The following TTC29 variants were observed in gnomAD, a reference collection of about 807,000 sequenced individuals.
TTC29 encodes the protein tetratricopeptide repeat protein 29.
A neutral mutation model predicts 58.1 loss-of-function variants in TTC29; 49 were observed. That is an observed-to-expected ratio of 0.84 (90% CI 0.67 to 1.07). The LOEUF (loss-of-function observed/expected upper bound fraction) is 1.07. Ranked by LOEUF, TTC29 falls within the 50% of genes least tolerant of loss-of-function variation. TTC29 has a pLI of 0.00. For synonymous variants in TTC29, 209 were observed against 196.8 expected (o/e 1.06, Z -0.52); for missense variants, 582 against 555.6 (o/e 1.05, Z -0.48).
intron 10 of TTC29, among the ~76,000 whole-genome samples, chr4:146,818,270 A>G (rs1285025362): frequency 1.3e-5 from 2 of 152,206 alleles, no homozygotes; most frequent in African/African-American, 4.8e-5. Context: ...AAAAGTGGGC[A>G]AAGGATATGA....
At position 146,707,030 on chromosome 4, in the gene TTC29, A is replaced by C; in HGVS notation, c.*128T>G. 1 of 585,112 alleles carries C rather than the reference A, an allele frequency of 1.7e-6. No homozygotes were observed. The highest frequency in any genetic ancestry group is 2.6e-6 in the Non-Finnish European group (1 of 377,388). The allele number at this position is 585,112 out of a possible 1,614,324, so 36.2% of individuals were successfully genotyped here. A position where few individuals can be genotyped will look rare whatever the true frequency, so the allele number is the denominator to read the frequency against. ...AGTAACACACTGAAATGCAAAATCCAATGAAAAGAGTCATAGTCCGTTTTA... is the reference window on the plus strand; with the variant it reads ...AGTAACACACTGAAATGCAAAATCCCATGAAAAGAGTCATAGTCCGTTTTA... On this transcript the variant is annotated 3_prime_UTR_variant, in exon 13 of 13. Transcript: ENST00000325106.
chr4:146,810,163 A>G (rs1016945258), intron 10 of TTC29, among the ~76,000 whole-genome samples: 5 of 152,198 alleles, frequency 3.3e-5, no homozygotes, highest in Admixed American at 2.0e-4. Flanking sequence ...ACAGGAACAG[A>G]AAAAACAAAC....
At chr4:146,848,332 T>A (rs973977684) in intron 8 of TTC29, among the ~76,000 whole-genome samples, 2 of 152,166 alleles carry the variant, frequency 1.3e-5, no homozygotes, top group African/African-American at 4.8e-5. Context: ...ATTCCAATGC[T>A]AAGAAATAAT....
At position 146,833,843 on chromosome 4, in the gene TTC29, C is replaced by T. The variant is rs143005058; in HGVS notation, c.940G>A (p.Gly314Arg). Reference protein sequence around the residue: ...STDLDDDLSLGRGYEAIAKVL... With the variant: ...STDLDDDLSLRRGYEAIAKVL... ...TTGGCTATGGCTTCATAGCCTCTCC[C>T]CAGACTGAGATCATCATCCAGGTCT... Residue 314 changes from glycine to arginine, a missense_variant, in exon 9 of 13, where the codon GGG (glycine) becomes AGG (arginine). Coordinates refer to ENST00000325106, the MANE Select transcript of TTC29 (RefSeq NM_031956.4). 6,733 of 1,613,290 alleles carry T rather than the reference C, an allele frequency of 4.2e-3. 23 individuals are homozygous for T. The highest frequency in any genetic ancestry group is 5.2e-3 in the Non-Finnish European group (6,087 of 1,179,506).
intron 2 of TTC29, among the ~76,000 whole-genome samples, chr4:146,941,537 A>C (rs114715668): frequency 3.1e-4 from 47 of 152,174 alleles, no homozygotes; most frequent in Non-Finnish European, 6.0e-4. Flanking sequence ...GATGTTGATA[A>C]GATTCTCTGC....
chr4:146,888,711 A>G (rs1051475985), intron 6 of TTC29, among the ~76,000 whole-genome samples: 1 of 152,192 alleles, frequency 6.6e-6, no homozygotes, highest in African/African-American at 2.4e-5. Flanking sequence ...GCTTTTCATA[A>G]AGTGACATTT....
At chr4:146,804,303 C>T (rs1405010270) in intron 10 of TTC29, among the ~76,000 whole-genome samples, 1 of 152,066 alleles carries the variant, frequency 6.6e-6, no homozygotes, top group Non-Finnish European at 1.5e-5. Context: ...CAAAACAGGG[C>T]GGCTGTTTGG....
At chr4:146,855,046 C>A (rs1273070849) in intron 8 of TTC29, among the ~76,000 whole-genome samples, 2 of 152,130 alleles carry the variant, frequency 1.3e-5, no homozygotes, top group African/African-American at 2.4e-5. Flanking sequence ...GTAATCCCAG[C>A]AGCACTTTGG....
chr4:146,825,032 T>A (rs1280692296), intron 9 of TTC29, among the ~76,000 whole-genome samples: 2 of 152,206 alleles, frequency 1.3e-5, no homozygotes, highest in Non-Finnish European at 2.9e-5. Flanking sequence ...ATCTATTTTA[T>A]TAATTTTTTC....
At chr4:146,855,665 T>C (rs1266957014) in intron 8 of TTC29, among the ~76,000 whole-genome samples, 1 of 152,212 alleles carries the variant, frequency 6.6e-6, no homozygotes, top group African/African-American at 2.4e-5. Flanking sequence ...GCACCAATTA[T>C]ACTGTATAAT....
chr4:146,847,816 C>CT (rs1326823760), intron 8 of TTC29, among the ~76,000 whole-genome samples: 1 of 152,186 alleles, frequency 6.6e-6, no homozygotes, highest in East Asian at 1.9e-4. Context: ...ATCCAGATGT[C>CT]TGAGTTGCTT....
chr4:146,719,766 A>C (rs1270905995), intron 11 of TTC29, among the ~76,000 whole-genome samples: 1 of 152,142 alleles, frequency 6.6e-6, no homozygotes, highest in Non-Finnish European at 1.5e-5. Context: ...TCCATCATGT[A>C]AGTTGTTGTC....
chr4:146,714,790 T>C (rs1019684017), intron 11 of TTC29, among the ~76,000 whole-genome samples: 1 of 151,966 alleles, frequency 6.6e-6, no homozygotes, highest in Admixed American at 6.6e-5. Flanking sequence ...TGTAAACAAA[T>C]GAAGAGCATC....
At chr4:146,718,508 T>G (rs1743105460) in intron 11 of TTC29, among the ~76,000 whole-genome samples, 1 of 152,196 alleles carries the variant, frequency 6.6e-6, no homozygotes, top group African/African-American at 2.4e-5. Flanking sequence ...TATGTCTTTG[T>G]TTTTGAGAGA....
At chr4:146,871,881 C>T (rs551237290) in intron 7 of TTC29, among the ~76,000 whole-genome samples, 2 of 152,084 alleles carry the variant, frequency 1.3e-5, no homozygotes, top group Admixed American at 6.6e-5. Context: ...GCTCCCCTTT[C>T]TGCAGAAATT....
At chr4:146,824,833 G>A (rs1193563749) in intron 9 of TTC29, among the ~76,000 whole-genome samples, 5 of 152,048 alleles carry the variant, frequency 3.3e-5, no homozygotes. Context: ...GTCTTGGTAA[G>A]GTGTATGCAT....
At chr4:146,926,496 G>A (rs773963167) in intron 4 of TTC29, among the ~76,000 whole-genome samples, 11 of 151,560 alleles carry the variant, frequency 7.3e-5, no homozygotes, top group Admixed American at 7.2e-4. Flanking sequence ...GTTTTGAGAC[G>A]GAGTCCTGCC....
intron 4 of TTC29, among the ~76,000 whole-genome samples, chr4:146,930,712 A>G (rs1735275298): frequency 1.3e-5 from 2 of 152,204 alleles, no homozygotes; most frequent in African/African-American, 4.8e-5. Flanking sequence ...AGACACTATC[A>G]AAGACAAAAC....
intron 11 of TTC29, among the ~76,000 whole-genome samples, chr4:146,714,414 A>G (rs947681523): frequency 2.0e-5 from 3 of 152,266 alleles, no homozygotes; most frequent in African/African-American, 7.2e-5. Context: ...TCAGTAAACC[A>G]TAAGACAGCT....
Sources: allele counts gnomAD v4.1 joint callset (sites outside exome capture counted in the v4.1 genomes callset), GRCh38; gene constraint gnomAD v4.1.1; transcripts MANE v1.5; gene names NCBI Gene and HGNC (gene_info 2026-07-23, HGNC 2026-07-21).